Variants in KLF12 observed in about 807,000 individuals in gnomAD.
KLF12 encodes the protein KLF transcription factor 12, also known as Krueppel-like factor 12.
In KLF12, 9 loss-of-function variants were observed where a neutral mutation model predicts 37.8. The observed-to-expected ratio is 0.24, with a 90% CI of 0.14 to 0.42. The LOEUF (loss-of-function observed/expected upper bound fraction) is 0.42, where lower values mean the gene tolerates loss of function less well. Among genes scored for constraint, KLF12 ranks in the 10% least tolerant of loss-of-function variants. The pLI is 1.00. For missense variants in KLF12, 411 were observed against 516.0 expected (o/e 0.80, Z 1.97); for synonymous variants, 208 against 202.1 (o/e 1.03, Z -0.25).
At position 73,750,210 on chromosome 13, in the gene KLF12, T is replaced by C. The variant is rs373773016; in HGVS notation, c.869+14728A>G. Among the ~76,000 whole-genome samples the C allele has an allele frequency of 6.6e-5, 10 of 152,240 alleles. No homozygotes were observed. In the South Asian group the frequency reaches 1.2e-3, roughly 19 times the overall value. On this transcript the variant is annotated intron_variant, in intron 6 of 7. Transcript: ENST00000377669. ...TTGAGTATTTCTACTTTTCTGAAAA[T>C]ATTGACTAAGGAATGGGAAACAGCC...
chr13:74,045,946 T>G (rs563878600), intron 1 of KLF12, among the ~76,000 whole-genome samples: 80 of 152,386 alleles, frequency 5.2e-4, no homozygotes, highest in African/African-American at 1.9e-3. Flanking sequence ...CTGAAATGTA[T>G]GTATAGCTCC....
intron 2 of KLF12, among the ~76,000 whole-genome samples, chr13:73,964,627 T>C (rs1256388022): frequency 2.4e-5 from 3 of 126,650 alleles, no homozygotes; most frequent in African/African-American, 6.3e-5. Flanking sequence ...AAAAAAAATC[T>C]AAGGTCATTC....
intron 5 of KLF12, among the ~76,000 whole-genome samples, chr13:73,778,590 C>G (rs1000734675): frequency 6.6e-6 from 1 of 152,118 alleles, no homozygotes; most frequent in Admixed American, 6.5e-5. Flanking sequence ...GTCTCGAACA[C>G]CTGGGCTCAA....
intron 3 of KLF12, among the ~76,000 whole-genome samples, chr13:73,875,199 TAA>T (rs1886648296): frequency 6.6e-6 from 1 of 152,140 alleles, no homozygotes; most frequent in African/African-American, 2.4e-5. Context: ...ACAATTAATA[TAA>T]GTTAGGAAGC....
chr13:73,962,597 G>A (rs984885955), intron 2 of KLF12, among the ~76,000 whole-genome samples: 1 of 152,010 alleles, frequency 6.6e-6, no homozygotes, highest in Admixed American at 6.6e-5. Flanking sequence ...GGGTAGATGG[G>A]AACTCTCTGT....
At chr13:74,117,278 G>A (rs1877364240) in intron 1 of KLF12, among the ~76,000 whole-genome samples, 1 of 152,084 alleles carries the variant, frequency 6.6e-6, no homozygotes, top group Non-Finnish European at 1.5e-5. Context: ...AGATGAGCCT[G>A]GAGTATCCTG....
intron 5 of KLF12, among the ~76,000 whole-genome samples, chr13:73,775,158 T>C (rs1880531363): frequency 6.6e-6 from 1 of 152,138 alleles, no homozygotes; most frequent in Non-Finnish European, 1.5e-5. Flanking sequence ...CCTCAGGTGA[T>C]CCACCCACCT....
chr13:74,128,087 C>T (rs926410397), intron 1 of KLF12, among the ~76,000 whole-genome samples: 1 of 152,018 alleles, frequency 6.6e-6, no homozygotes, highest in East Asian at 1.9e-4. Context: ...ATCATGTGAA[C>T]TGTAATTTCA....
chr13:73,935,281 G>T (rs1339683825), intron 3 of KLF12, among the ~76,000 whole-genome samples: 1 of 152,120 alleles, frequency 6.6e-6, no homozygotes, highest in Non-Finnish European at 1.5e-5. Context: ...GAGCCATCGT[G>T]CCCGGCCTAC....
intron 1 of KLF12, among the ~76,000 whole-genome samples, chr13:74,006,565 C>T (rs1315682871): frequency 6.6e-6 from 1 of 152,214 alleles, no homozygotes; most frequent in Non-Finnish European, 1.5e-5. Flanking sequence ...TGGAGATTTA[C>T]AGCCAAGACT....
intron 6 of KLF12, among the ~76,000 whole-genome samples, chr13:73,727,491 A>T (rs1052603418): frequency 5.3e-5 from 8 of 152,186 alleles, no homozygotes; most frequent in African/African-American, 1.9e-4. Flanking sequence ...ACCACTGACA[A>T]AACCAATTTA....
intron 5 of KLF12, among the ~76,000 whole-genome samples, chr13:73,805,691 AGG>A (rs1276244304): frequency 1.3e-4 from 18 of 143,634 alleles, no homozygotes; most frequent in African/African-American, 4.6e-4. Context: ...GAAGGAAGGA[AGG>A]AAGGAAGGAA....
the KLF12 span, among the ~76,000 whole-genome samples, chr13:74,229,314 G>T: frequency 3.0e-4 from 46 of 152,132 alleles, no homozygotes; most frequent in African/African-American, 1.1e-3. Flanking sequence ...ATATTTTGAA[G>T]AATACATTCC....
intron 5 of KLF12, among the ~76,000 whole-genome samples, chr13:73,775,334 A>G (rs4885118): frequency 0.19 from 29,398 of 152,170 alleles, 3,657 homozygotes; most frequent in East Asian, 0.44. Flanking sequence ...GTAGAAAGAA[A>G]AGAGTAAAAG....
At chr13:73,878,684 TG>T (rs1315376254) in intron 3 of KLF12, among the ~76,000 whole-genome samples, 1 of 149,264 alleles carries the variant, frequency 6.7e-6, no homozygotes, top group Non-Finnish European at 1.5e-5. Context: ...GAGAGTGCCA[TG>T]GGAGGAGGTG....
At chr13:73,920,058 T>A (rs139679573) in intron 3 of KLF12, among the ~76,000 whole-genome samples, 39 of 152,320 alleles carry the variant, frequency 2.6e-4, no homozygotes, top group South Asian at 6.2e-4. Context: ...GCATCTTTTC[T>A]CCTTCAAATT....
intron 3 of KLF12, among the ~76,000 whole-genome samples, chr13:73,898,854 C>A (rs545799338): frequency 6.6e-6 from 1 of 152,150 alleles, no homozygotes; most frequent in African/African-American, 2.4e-5. Context: ...GAAGGATGGA[C>A]GGGTGAGGAC....
At chr13:73,849,378 A>C (rs1046865594) in intron 3 of KLF12, among the ~76,000 whole-genome samples, 695 of 31,508 alleles carry the variant, frequency 0.022, 10 homozygotes, top group African/African-American at 0.034. Context: ...GACTCCATAA[A>C]AAAAAAAAAA....
chr13:74,173,686 GAAAT>G, the KLF12 span, among the ~76,000 whole-genome samples: 2 of 152,202 alleles, frequency 1.3e-5, no homozygotes, highest in Non-Finnish European at 2.9e-5. Context: ...ACATGAATAA[GAAAT>G]AAATTCCTGT....
Sources: allele counts gnomAD v4.1 joint callset (sites outside exome capture counted in the v4.1 genomes callset), GRCh38; gene constraint gnomAD v4.1.1; transcripts MANE v1.5; gene names NCBI Gene and HGNC (gene_info 2026-07-23, HGNC 2026-07-21).